The following SEMA3A variants were observed in gnomAD, a reference collection of about 807,000 sequenced individuals.
SEMA3A encodes semaphorin 3A, also known as semaphorin-3A.
In SEMA3A, 29 loss-of-function variants were observed where a neutral mutation model predicts 97.9. The observed-to-expected ratio is 0.30, with a 90% CI of 0.22 to 0.40. The LOEUF is 0.40. SEMA3A is among the 10% of genes least tolerant of loss of function. The probability of loss-of-function intolerance (pLI) is 1.00; values close to 1 mark genes in which losing one functional copy is unlikely to be tolerated. For synonymous variants in SEMA3A, 321 were observed against 323.7 expected (o/e 0.99, Z 0.09); for missense variants, 763 against 951.3 (o/e 0.80, Z 2.60).
At chr7:84,238,353 C>A (rs894105834) in intron 3 of SEMA3A, among the ~76,000 whole-genome samples, 1 of 152,120 alleles carries the variant, frequency 6.6e-6, no homozygotes, top group Non-Finnish European at 1.5e-5. Context: ...AGGTGTGAGC[C>A]ATCGTGCCTG....
At chr7:84,452,772 T>C (rs1446469459) in intron 1 of SEMA3A, among the ~76,000 whole-genome samples, 2 of 152,236 alleles carry the variant, frequency 1.3e-5, no homozygotes, top group Non-Finnish European at 2.9e-5. Context: ...GTTTTCCTTC[T>C]AGCAAGCCTA....
chr7:84,293,048 C>T (rs527475988), intron 3 of SEMA3A, among the ~76,000 whole-genome samples: 1 of 152,080 alleles, frequency 6.6e-6, no homozygotes, highest in African/African-American at 2.4e-5. Context: ...TTTCTGTTTA[C>T]AGATTCATTG....
In SEMA3A at chr7:84,034,532, GATA is replaced by G. The variant is rs796678870; in HGVS notation, c.667+11789_667+11791del. Among the ~76,000 whole-genome samples the G allele has an allele frequency of 1.1e-4, 17 of 152,234 alleles. 1 individual carries two copies. Among genetic ancestry groups the G allele is most frequent in the African/African-American group, 3.6e-4 (15 of 41,554 alleles). On this transcript the variant is annotated intron_variant, in intron 6 of 16. Coordinates refer to ENST00000265362, the MANE Select transcript of SEMA3A (RefSeq NM_006080.3). ...GTGATCTTGTAGATAGCACTTTGAA[GATA>G]ATAAAATACAATACAAATACATGCT...
chr7:84,039,460 C>T (rs2116483153), intron 6 of SEMA3A, among the ~76,000 whole-genome samples: 1 of 152,056 alleles, frequency 6.6e-6, no homozygotes, highest in African/African-American at 2.4e-5. Flanking sequence ...TCTTGGGGTT[C>T]AAAGGTGGAA....
chr7:84,444,525 G>GTCTT, intron 1 of SEMA3A, among the ~76,000 whole-genome samples: 1 of 150,366 alleles, frequency 6.7e-6, no homozygotes, highest in Non-Finnish European at 1.5e-5. Context: ...CTTCAACATA[G>GTCTT]TCTTGTACAT....
chr7:83,965,835 C>T (rs1788674413), intron 15 of SEMA3A, among the ~76,000 whole-genome samples: 1 of 149,606 alleles, frequency 6.7e-6, no homozygotes, highest in Admixed American at 6.7e-5. Context: ...TGCCTGCCAC[C>T]ACGCCCAGCT....
intron 3 of SEMA3A, among the ~76,000 whole-genome samples, chr7:84,228,190 C>T (rs968392933): frequency 6.6e-6 from 1 of 151,736 alleles, no homozygotes; most frequent in African/African-American, 2.4e-5. Flanking sequence ...AAATGGAGGA[C>T]TAAGCAATGG....
intron 2 of SEMA3A, among the ~76,000 whole-genome samples, chr7:84,340,035 T>C (rs1446858220): frequency 6.6e-6 from 1 of 152,158 alleles, no homozygotes; most frequent in African/African-American, 2.4e-5. Context: ...GAAAATTTAA[T>C]GAATTTTAGC....
intron 1 of SEMA3A, among the ~76,000 whole-genome samples, chr7:84,429,420 G>A (rs1251133068): frequency 1.3e-5 from 2 of 149,074 alleles, no homozygotes; most frequent in African/African-American, 2.5e-5. Flanking sequence ...TATAAAAGTT[G>A]AAGGTGAATA....
At position 84,392,511 on chromosome 7, in the gene SEMA3A, A is replaced by G. The variant is rs1306976737; in HGVS notation, c.-245-20611T>C. 2.0e-5 allele frequency among the ~76,000 whole-genome samples: 3 copies of G among 152,144 alleles called. No homozygotes were observed. In the East Asian group the frequency reaches 5.8e-4, roughly 29 times the overall value. ...TGATTCCATACCTTGGCTATTGTGA[A>G]TAGTGCTGCAATAAACATGGATGTG... On this transcript the variant is annotated intron_variant, in intron 1 of 3. Transcript: ENST00000424555.
At chr7:84,469,963 T>C (rs1209569708) in intron 1 of SEMA3A, among the ~76,000 whole-genome samples, 1 of 151,726 alleles carries the variant, frequency 6.6e-6, no homozygotes, top group East Asian at 1.9e-4. Flanking sequence ...TGGTTATGTG[T>C]TATTAGATTT....
intron 4 of SEMA3A, among the ~76,000 whole-genome samples, chr7:84,083,804 G>C (rs1396644672): frequency 2.0e-5 from 3 of 151,910 alleles, no homozygotes; most frequent in Non-Finnish European, 4.4e-5. Context: ...CTAAAGTTCA[G>C]AGAAGTTAAG....
chr7:84,357,050 A>T (rs1323974262), intron 2 of SEMA3A, among the ~76,000 whole-genome samples: 1 of 151,744 alleles, frequency 6.6e-6, no homozygotes, highest in Non-Finnish European at 1.5e-5. Flanking sequence ...AGCACCACAC[A>T]CACTAAATAA....
chr7:84,209,893 T>A (rs1007499386), intron 3 of SEMA3A, among the ~76,000 whole-genome samples: 2 of 152,214 alleles, frequency 1.3e-5, no homozygotes, highest in African/African-American at 4.8e-5. Flanking sequence ...ATAATTGGTA[T>A]GCTGCAGAAG....
chr7:84,386,214 A>G lies in SEMA3A; in HGVS notation c.-245-14314T>C, dbSNP rs116751689. 1.8e-3 allele frequency among the ~76,000 whole-genome samples: 267 copies of G among 152,318 alleles called. 1 individual carries two copies. Among genetic ancestry groups the G allele is most frequent in the African/African-American group, 6.0e-3 (248 of 41,570 alleles). ...ACCAAGGTAAGCTGGGTTAGTTAGA[A>G]ACAAAAAATGCCCATATCTCAGTGC... On this transcript the variant is annotated intron_variant, in intron 1 of 3. Transcript: ENST00000424555.
At chr7:84,235,094 C>A (rs780829976) in intron 3 of SEMA3A, among the ~76,000 whole-genome samples, 2 of 151,990 alleles carry the variant, frequency 1.3e-5, no homozygotes, top group Admixed American at 6.6e-5. Context: ...AAAATAAATT[C>A]TTTAAAACAG....
At chr7:84,175,483 T>C (rs1797534060) in intron 1 of SEMA3A, among the ~76,000 whole-genome samples, 1 of 152,214 alleles carries the variant, frequency 6.6e-6, no homozygotes, top group Non-Finnish European at 1.5e-5. Context: ...CGTAGTCCCA[T>C]GGGGCATCCT....
chr7:84,451,520 T>C (rs1054604661), intron 1 of SEMA3A, among the ~76,000 whole-genome samples: 3 of 152,190 alleles, frequency 2.0e-5, no homozygotes, highest in Non-Finnish European at 4.4e-5. Context: ...CTCTTACCTA[T>C]GATAGTGATG....
At chr7:84,033,625 A>C (rs1429974252) in intron 6 of SEMA3A, among the ~76,000 whole-genome samples, 4 of 152,218 alleles carry the variant, frequency 2.6e-5, no homozygotes, top group Non-Finnish European at 5.9e-5. Flanking sequence ...TTTTGTGCTA[A>C]AAGTAGGGAT....
Sources: allele counts gnomAD v4.1 joint callset (sites outside exome capture counted in the v4.1 genomes callset), GRCh38; gene constraint gnomAD v4.1.1; transcripts MANE v1.5; gene names NCBI Gene and HGNC (gene_info 2026-07-23, HGNC 2026-07-21).